SNX27: variants seen among roughly 807,000 people sequenced by gnomAD.
SNX27 encodes sorting nexin-27.
Under a neutral mutation model 71.6 loss-of-function variants are expected in SNX27, and 22 were observed. The ratio of observed to expected loss-of-function variants is 0.31; its 90% CI spans 0.22 to 0.44. SNX27 has a LOEUF of 0.44. Ranked by LOEUF, SNX27 falls within the 20% of genes least tolerant of loss-of-function variation. The probability of loss-of-function intolerance (pLI) is 1.00; values close to 1 mark genes in which losing one functional copy is unlikely to be tolerated. For synonymous variants in SNX27, 269 were observed against 277.2 expected, an observed-to-expected ratio of 0.97 and a Z score of 0.29; for missense variants, 531 against 698.6, an observed-to-expected ratio of 0.76 and a Z score of 2.70.
intron 1 of SNX27, among the ~76,000 whole-genome samples, chr1:151,616,223 G>A (rs1032179673): frequency 6.6e-6 from 1 of 152,210 alleles, no homozygotes; most frequent in African/African-American, 2.4e-5. Context: ...TATATAGTAT[G>A]TGAAGTAACA....
At chr1:151,616,408 A>G (rs1667427655) in intron 1 of SNX27, among the ~76,000 whole-genome samples, 1 of 152,210 alleles carries the variant, frequency 6.6e-6, no homozygotes, top group Non-Finnish European at 1.5e-5. Flanking sequence ...CAAGCATTCA[A>G]AATCATGATA....
At chr1:151,680,057 A>G (rs1245453298) in intron 7 of SNX27, 4 of 151,940 alleles carry the variant, frequency 2.6e-5, no homozygotes, top group Admixed American at 6.6e-5. Context: ...TTTAAATTAT[A>G]TACATCTTTT....
intron 2 of SNX27, among the ~76,000 whole-genome samples, chr1:151,655,278 A>C (rs1024714901): frequency 1.3e-5 from 2 of 152,150 alleles, no homozygotes; most frequent in Non-Finnish European, 2.9e-5. Context: ...AATTCCATGC[A>C]GATTTAGGGA....
chr1:151,689,490 C>T (rs758323441), intron 8 of SNX27, among the ~76,000 whole-genome samples: 6 of 152,292 alleles, frequency 3.9e-5, no homozygotes, highest in Middle Eastern at 3.4e-3. Context: ...TTCCCAAATC[C>T]CTGCCTTTGT....
intron 3 of SNX27, chr1:151,660,017 C>T (rs1252972249): frequency 1.3e-5 from 2 of 152,126 alleles, no homozygotes; most frequent in Non-Finnish European, 2.9e-5. Context: ...GGTAGTGGAA[C>T]TTCTTTATCT....
At chr1:151,627,437 C>T (rs1009580806) in intron 1 of SNX27, among the ~76,000 whole-genome samples, 4 of 152,154 alleles carry the variant, frequency 2.6e-5, no homozygotes, top group Admixed American at 2.6e-4. Context: ...TCACTTAGAT[C>T]CATAACTTTT....
rs1667246706 is a variant in SNX27, at chr1:151,612,817, G to A, written c.311+305G>A. 6.6e-6 allele frequency among the ~76,000 whole-genome samples: 1 copy of A among 151,998 alleles called. No homozygotes were observed. ...TCTCCGCCCCTTTGCCTTCCCGTTTGGCGTGCTGCATTCTGCTCCTCACTC... is the reference window on the plus strand; with the variant it reads ...TCTCCGCCCCTTTGCCTTCCCGTTTAGCGTGCTGCATTCTGCTCCTCACTC... On this transcript the variant is annotated intron_variant, in intron 1 of 11. Coordinates refer to ENST00000458013, the MANE Select transcript of SNX27 (RefSeq NM_001330723.2). This position sits in a 1 kb window ranked among gnomAD's most constrained non-coding sequence, Gnocchi z 5.2.
At chr1:151,691,794 G>GTGA (rs1671464533) in intron 8 of SNX27, among the ~76,000 whole-genome samples, 1 of 152,036 alleles carries the variant, frequency 6.6e-6, no homozygotes, top group Non-Finnish European at 1.5e-5. Context: ...GATTACCGGC[G>GTGA]TGAGCCACCG....
intron 5 of SNX27, among the ~76,000 whole-genome samples, 186 bp from the exon 6 acceptor site, chr1:151,665,747 T>A (rs1398177355): frequency 6.6e-6 from 1 of 152,180 alleles, no homozygotes; most frequent in Non-Finnish European, 1.5e-5. Flanking sequence ...TTCATATATA[T>A]GTATGCGTGC....
At chr1:151,683,288 T>A in intron 7 of SNX27, 68 bp from the exon 8 acceptor site, 1 of 1,315,914 alleles carries the variant, frequency 7.6e-7, no homozygotes, top group Non-Finnish European at 1.1e-6. Context: ...CTGTGTCTGT[T>A]TTCATCGAGA....
chr1:151,623,021 G>A (rs1667743281), intron 1 of SNX27, among the ~76,000 whole-genome samples: 1 of 152,040 alleles, frequency 6.6e-6, no homozygotes, highest in Admixed American at 6.6e-5. Context: ...CGCCCAGGCT[G>A]GAGTGCAGTG....
At chr1:151,673,267 A>G (rs1670524275) in intron 7 of SNX27, among the ~76,000 whole-genome samples, 1 of 152,008 alleles carries the variant, frequency 6.6e-6, no homozygotes, top group South Asian at 2.1e-4. Flanking sequence ...ACGTACTTGA[A>G]TAGTTTCCAA....
intron 1 of SNX27, among the ~76,000 whole-genome samples, chr1:151,637,697 G>T (rs74125848): frequency 6.6e-6 from 1 of 152,064 alleles, no homozygotes; most frequent in Admixed American, 6.6e-5. Context: ...GCTAGCTGGG[G>T]GGTCTCCTGA....
chr1:151,693,750 A>T (rs919981535), intron 11 of SNX27: 6 of 1,547,798 alleles, frequency 3.9e-6, no homozygotes, highest in South Asian at 2.4e-5. Context: ...TCATGACTTC[A>T]TGGACCCTCC....
rs1189767150 is a variant in SNX27 at position 151,612,832 on chromosome 1, GC to G, written c.311+321del. On this transcript the variant is annotated intron_variant, in intron 1 of 11. Coordinates refer to ENST00000458013, the MANE Select transcript of SNX27 (RefSeq NM_001330723.2). This position sits in a 1 kb window ranked among gnomAD's most constrained non-coding sequence, Gnocchi z 5.2. ...CTTCCCGTTTGGCGTGCTGCATTCT[GC>G]TCCTCACTCCCCCTCGTCTTGCTCA... 2.0e-5 allele frequency among the ~76,000 whole-genome samples: 3 copies of G among 152,124 alleles called. No homozygotes were observed. In the East Asian group the frequency reaches 5.8e-4, roughly 30 times the overall value.
At chr1:151,613,992 A>C (rs1273477361) in intron 1 of SNX27, 4 of 151,942 alleles carry the variant, frequency 2.6e-5, no homozygotes, top group Non-Finnish European at 4.4e-5. Flanking sequence ...CTCTTGTAAA[A>C]CAGTAGGTTT....
At chr1:151,669,012 C>G (rs1414179997) in intron 7 of SNX27, 1 of 156,794 alleles carries the variant, frequency 6.4e-6, no homozygotes, top group Non-Finnish European at 1.4e-5. Flanking sequence ...ATTTCCATCT[C>G]CCCCCATAGG....
intron 1 of SNX27, among the ~76,000 whole-genome samples, chr1:151,613,672 C>G (rs1469878067): frequency 6.6e-6 from 1 of 151,994 alleles, no homozygotes; most frequent in Non-Finnish European, 1.5e-5. Context: ...CATGCTCTTG[C>G]GGGATGCTGC....
chr1:151,643,379 C>T (rs536259955), intron 2 of SNX27, among the ~76,000 whole-genome samples: 25 of 152,056 alleles, frequency 1.6e-4, no homozygotes, highest in Admixed American at 4.6e-4. Flanking sequence ...ACTGCAACCT[C>T]GGCCTCCCGG....
Sources: gnomAD v4.1 joint callset for allele counts (sites outside exome capture counted in the v4.1 genomes callset) on GRCh38, gnomAD v4.1.1 for gene constraint, Gnocchi (gnomAD v3.1) non-coding constraint, MANE v1.5 for transcripts, NCBI Gene and HGNC (gene_info 2026-07-23, HGNC 2026-07-21) for gene names.